The following XRCC1 variants were observed in gnomAD, a reference collection of about 807,000 sequenced individuals.
XRCC1 encodes the protein X-ray repair cross complementing 1, also known as DNA repair protein XRCC1.
Under a neutral mutation model 83.3 loss-of-function variants are expected in XRCC1, and 52 were observed. The ratio of observed to expected loss-of-function variants is 0.62; its 90% CI spans 0.50 to 0.79. XRCC1 has a LOEUF of 0.79. Ranked by LOEUF, XRCC1 falls within the 30% of genes least tolerant of loss-of-function variation. The probability of loss-of-function intolerance (pLI) is 0.00; values close to 1 mark genes in which losing one functional copy is unlikely to be tolerated. For missense variants in XRCC1, 793 were observed against 823.5 expected (o/e 0.96, Z 0.45); for synonymous variants, 281 against 312.6 (o/e 0.90, Z 1.07).
At position 43,564,719 on chromosome 19, in the gene XRCC1, C is replaced by T. The variant is rs185991911; in HGVS notation, c.145-3699G>A. ...AGGAGAATTGCTTAAACCGGGGGGGCGGAGGTTGCAGTGAGCCGAGATCAC... is the reference window on the plus strand; with the variant it reads ...AGGAGAATTGCTTAAACCGGGGGGGTGGAGGTTGCAGTGAGCCGAGATCAC... On this transcript the variant is annotated intron_variant, in intron 2 of 16. Transcript: ENST00000262887. Among the ~76,000 whole-genome samples the T allele has an allele frequency of 8.0e-5, 12 of 149,318 alleles. No homozygotes were observed. In the East Asian group the frequency reaches 2.4e-3, roughly 30 times the overall value.
intron 2 of XRCC1, among the ~76,000 whole-genome samples, chr19:43,562,580 C>G (rs1972711260): frequency 6.6e-6 from 1 of 152,040 alleles, no homozygotes; most frequent in South Asian, 2.1e-4. Context: ...CTTGTCTCTA[C>G]AAAAATTACA....
At chr19:43,563,224 C>T (rs560773463) in intron 2 of XRCC1, among the ~76,000 whole-genome samples, 1 of 152,322 alleles carries the variant, frequency 6.6e-6, no homozygotes, top group South Asian at 2.1e-4. Context: ...TGGTGGCTCA[C>T]ACCCGTAATA....
intron 6 of XRCC1, 23 bp from the exon 7 acceptor site, chr19:43,553,114 C>T (rs527933669): frequency 6.4e-7 from 1 of 1,552,426 alleles, no homozygotes; most frequent in South Asian, 1.2e-5. Flanking sequence ...AAAGTGGATC[C>T]AGGATGAGAG....
In XRCC1 at chr19:43,545,726, G is replaced by A. The variant is rs1321279413; in HGVS notation, c.1621+92C>T. The A allele has an allele frequency of 4.0e-6, 6 of 1,514,354 alleles. 1 individual carries two copies. The highest frequency in any genetic ancestry group is 5.4e-6 in the Non-Finnish European group (6 of 1,113,188). The allele number at this position is 1,514,354 out of a possible 1,614,324, so 93.8% of individuals were successfully genotyped here. A position where few individuals can be genotyped will look rare whatever the true frequency, so the allele number is the denominator to read the frequency against. On this transcript the variant is annotated intron_variant, in intron 14 of 16. Transcript: ENST00000262887. The stretch of plus-strand genomic sequence containing the variant: ...AGGAGAGGGGAGGCAAGACACGGGG[G>A]CAGCAGTGACCCCAGGGCTGGCCAG...
In XRCC1 at chr19:43,551,558, T is replaced by C; in HGVS notation, c.1199+13A>G. 6.2e-7 allele frequency: 1 copy of C among 1,608,098 alleles called. No individual in the cohort carries two copies. The highest frequency in any genetic ancestry group is 8.5e-7 in the Non-Finnish European group (1 of 1,174,598). ...CACAGGATAAGGAGCAGGGTTGGCG[T>C]GTGAGGCCTTACCTCTGGGAGGGCA... On this transcript the variant is annotated intron_variant, in intron 10 of 16. Coordinates refer to ENST00000262887, the MANE Select transcript of XRCC1 (RefSeq NM_006297.3).
At chr19:43,552,403 C>G (rs1377622744) in intron 8 of XRCC1, 128 bp from the exon 9 acceptor site, 1 of 726,362 alleles carries the variant, frequency 1.4e-6, no homozygotes, top group Non-Finnish European at 2.2e-6. Context: ...GGCCCCAGCC[C>G]CTCCCCCCTC....
At chr19:43,555,045 C>G (rs1254601563) in intron 3 of XRCC1, 4 of 355,326 alleles carry the variant, frequency 1.1e-5, no homozygotes, top group African/African-American at 8.4e-5. Flanking sequence ...TAAATTCTCC[C>G]ATGGAGTCTT....
chr19:43,560,062 C>A (rs917135446), intron 3 of XRCC1, among the ~76,000 whole-genome samples: 1 of 150,594 alleles, frequency 6.6e-6, no homozygotes, highest in African/African-American at 2.5e-5. Flanking sequence ...GCCTGGGCAA[C>A]GGAAATGAAA....
chr19:43,545,727 C>G, intron 14 of XRCC1, 91 bp downstream of exon 14: 2 of 1,532,322 alleles, frequency 1.3e-6, no homozygotes, highest in South Asian at 2.5e-5. Context: ...GACACGGGGG[C>G]AGCAGTGACC....
chr19:43,550,028 A>T (rs1249442288), intron 10 of XRCC1, among the ~76,000 whole-genome samples: 1 of 151,984 alleles, frequency 6.6e-6, no homozygotes, highest in Non-Finnish European at 1.5e-5. Flanking sequence ...CCCCACCTGC[A>T]GCCTCCCCTT....
At chr19:43,565,167 CA>C (rs1972740261) in intron 2 of XRCC1, among the ~76,000 whole-genome samples, 2 of 152,188 alleles carry the variant, frequency 1.3e-5, no homozygotes, top group Admixed American at 1.3e-4. Context: ...TAATCAAACC[CA>C]CAGAGCTCCT....
At chr19:43,560,515 G>T (rs1371034451) in intron 3 of XRCC1, among the ~76,000 whole-genome samples, 2 of 152,102 alleles carry the variant, frequency 1.3e-5, no homozygotes, top group Non-Finnish European at 2.9e-5. Context: ...ATGAAGGAAG[G>T]GTCACAAGCT....
chr19:43,560,288 C>T (rs186940764), intron 3 of XRCC1, among the ~76,000 whole-genome samples: 5 of 150,270 alleles, frequency 3.3e-5, no homozygotes, highest in Admixed American at 2.0e-4. Flanking sequence ...CCCAGCAACT[C>T]GGGAGGCTGA....
rs199807437 is a variant in XRCC1, at chr19:43,545,802, T to C, written c.1621+16A>G. 1.2e-6 allele frequency: 2 copies of C among 1,612,986 alleles called. No homozygotes were observed. Among genetic ancestry groups the C allele is most frequent in the East Asian group, 4.5e-5 (2 of 44,878 alleles). Reference sequence around the variant, plus strand: ...AGAGAAAATGCCACTTCAGGAGGGATGGGGGGATTTCCCACCTGGGAGCTC... The same window carrying C: ...AGAGAAAATGCCACTTCAGGAGGGACGGGGGGATTTCCCACCTGGGAGCTC... On this transcript the variant is annotated intron_variant, in intron 14 of 16. Transcript: ENST00000262887.
chr19:43,561,780 G>C (rs1428412185), intron 2 of XRCC1, among the ~76,000 whole-genome samples: 1 of 152,202 alleles, frequency 6.6e-6, no homozygotes, highest in African/African-American at 2.4e-5. Context: ...TGCGGGCACG[G>C]GAGGCAGTTA....
chr19:43,566,260 C>T (rs1220138958), intron 2 of XRCC1, among the ~76,000 whole-genome samples: 1 of 148,216 alleles, frequency 6.7e-6, no homozygotes, highest in Non-Finnish European at 1.5e-5. Context: ...TGGCCAGGCA[C>T]GGTGGCTCAG....
chr19:43,551,874 C>T, intron 9 of XRCC1, 143 bp downstream of exon 9: 1 of 1,107,986 alleles, frequency 9.0e-7, no homozygotes, highest in Non-Finnish European at 1.3e-6. Context: ...AAGACAAAGG[C>T]TACAGAATGC....
At chr19:43,566,616 C>T (rs1341257324) in intron 2 of XRCC1, among the ~76,000 whole-genome samples, 2 of 151,290 alleles carry the variant, frequency 1.3e-5, no homozygotes, top group East Asian at 1.9e-4. Context: ...TGGTGGCTCA[C>T]GCCTGTAATC....
Position 43,552,882 on chromosome 19 carries a change from C to T in XRCC1, c.738G>A (p.Arg246=). 2 of 1,613,650 alleles carry T rather than the reference C, an allele frequency of 1.2e-6. No homozygotes were observed. Among genetic ancestry groups the T allele is most frequent in the South Asian group, 1.1e-5 (1 of 91,002 alleles). ...TTTCTTCTTGGTTCAAATCCAACTT[C>T]CTCTTCCCTTTGGGAGACTCCTGGG... is the stretch of plus-strand genomic sequence containing the variant. ...SKPQESPKGK[R]KLDLNQEEKK... The change falls in exon 8 of 17, where the codon AGG becomes AGA. Residue 246 remains arginine, a synonymous_variant. Transcript: ENST00000262887.
Sources: allele counts gnomAD v4.1 joint callset (sites outside exome capture counted in the v4.1 genomes callset), GRCh38; gene constraint gnomAD v4.1.1; transcripts MANE v1.5; gene names NCBI Gene and HGNC (gene_info 2026-07-23, HGNC 2026-07-21).